CCBE1: variants seen among roughly 807,000 people sequenced by gnomAD.
CCBE1 encodes collagen and calcium binding EGF domains 1.
Under a neutral mutation model 50.0 loss-of-function variants are expected in CCBE1, and 37 were observed. That is an observed-to-expected ratio of 0.74 (90% CI 0.57 to 0.97). The LOEUF is 0.97. Among genes scored for constraint, CCBE1 ranks in the 50% least tolerant of loss-of-function variants. CCBE1 has a pLI of 0.00. For missense variants in CCBE1, 538 were observed against 523.8 expected (o/e 1.03, Z -0.26); for synonymous variants, 234 against 203.7 (o/e 1.15, Z -1.27).
intron 2 of CCBE1, among the ~76,000 whole-genome samples, chr18:59,576,611 A>C (rs1429618888): frequency 6.6e-6 from 1 of 152,168 alleles, no homozygotes; most frequent in Non-Finnish European, 1.5e-5. Context: ...ATGTGGAATT[A>C]AATTGCTTTT....
intron 2 of CCBE1, among the ~76,000 whole-genome samples, chr18:59,575,874 G>A (rs1006579055): frequency 2.0e-5 from 3 of 152,280 alleles, no homozygotes; most frequent in African/African-American, 7.2e-5. Flanking sequence ...TGCTGGAATC[G>A]ATAAGTATAC....
At chr18:59,571,514 T>C (rs2052914676) in intron 2 of CCBE1, among the ~76,000 whole-genome samples, 1 of 149,056 alleles carries the variant, frequency 6.7e-6, no homozygotes, top group Non-Finnish European at 1.5e-5. Context: ...CATTAGGAGA[T>C]ATATCTAATG....
chr18:59,696,361 G>T, intron 2 of CCBE1: 1 of 767,892 alleles, frequency 1.3e-6, no homozygotes, highest in Non-Finnish European at 1.9e-6. Flanking sequence ...CTCCTTCACA[G>T]ACTTCCACAC....
chr18:59,578,746 A>C (rs2053039449), intron 2 of CCBE1, among the ~76,000 whole-genome samples: 1 of 152,206 alleles, frequency 6.6e-6, no homozygotes, highest in Non-Finnish European at 1.5e-5. Context: ...GGAGTTGAAC[A>C]ATGAGAACAC....
At chr18:59,460,242 T>C (rs977576466) in intron 5 of CCBE1, among the ~76,000 whole-genome samples, 2 of 152,182 alleles carry the variant, frequency 1.3e-5, no homozygotes, top group Admixed American at 6.5e-5. Flanking sequence ...CACCCTCCCT[T>C]CTCTCCTCCT....
At chr18:59,522,405 A>T (rs1914638589) in intron 2 of CCBE1, among the ~76,000 whole-genome samples, 1 of 152,358 alleles carries the variant, frequency 6.6e-6, no homozygotes, top group Non-Finnish European at 1.5e-5. Flanking sequence ...GACCTGAAAT[A>T]CTTCTAACAT....
chr18:59,664,782 G>A (rs1401271507), intron 2 of CCBE1, among the ~76,000 whole-genome samples: 1 of 152,136 alleles, frequency 6.6e-6, no homozygotes, highest in Non-Finnish European at 1.5e-5. Context: ...GTGGCAGTAG[G>A]GATGGCTAGA....
intron 2 of CCBE1, among the ~76,000 whole-genome samples, chr18:59,494,518 A>G (rs1302452030): frequency 1.4e-5 from 1 of 73,372 alleles, no homozygotes; most frequent in African/African-American, 7.7e-5. Context: ...AAAAATGAGG[A>G]CAGATTTTTT....
intron 2 of CCBE1, among the ~76,000 whole-genome samples, chr18:59,558,251 T>A (rs1390352506): frequency 6.6e-6 from 1 of 152,202 alleles, no homozygotes; most frequent in Non-Finnish European, 1.5e-5. Flanking sequence ...AATTCAGCAG[T>A]CTTCTAGTTA....
intron 2 of CCBE1, among the ~76,000 whole-genome samples, chr18:59,600,909 T>C (rs927535930): frequency 1.3e-4 from 20 of 151,846 alleles, no homozygotes; most frequent in African/African-American, 4.1e-4. Context: ...ATAATGATTT[T>C]TCCTTAGCAA....
intron 6 of CCBE1, 101 bp from the exon 7 acceptor site, chr18:59,448,204 A>G (rs1910773544): frequency 3.3e-6 from 5 of 1,522,764 alleles, no homozygotes; most frequent in Admixed American, 1.8e-5. Context: ...CATGAGACAT[A>G]TGTATATACT....
At chr18:59,619,400 C>A (rs565426861) in intron 2 of CCBE1, among the ~76,000 whole-genome samples, 1 of 152,200 alleles carries the variant, frequency 6.6e-6, no homozygotes, top group Non-Finnish European at 1.5e-5. Context: ...CACACTACAA[C>A]CTTGAACTCC....
At chr18:59,581,549 T>TA (rs1316633277) in intron 2 of CCBE1, among the ~76,000 whole-genome samples, 1 of 151,992 alleles carries the variant, frequency 6.6e-6, no homozygotes, top group East Asian at 1.9e-4. Context: ...CACTGGGTAA[T>TA]AAAGCACATT....
chr18:59,438,663 A>C (rs910637081), intron 9 of CCBE1, among the ~76,000 whole-genome samples: 8 of 152,156 alleles, frequency 5.3e-5, no homozygotes, highest in African/African-American at 1.9e-4. Context: ...TTTTCCTATG[A>C]GTGGTTGTGG....
intron 2 of CCBE1, among the ~76,000 whole-genome samples, chr18:59,565,684 T>G (rs1194562349): frequency 6.6e-6 from 1 of 152,132 alleles, no homozygotes; most frequent in Non-Finnish European, 1.5e-5. Flanking sequence ...TAGGGCCCTT[T>G]TAAGTAAGCA....
chr18:59,463,614 T>C (rs185921877), intron 5 of CCBE1, among the ~76,000 whole-genome samples: 174 of 152,306 alleles, frequency 1.1e-3, no homozygotes, highest in African/African-American at 4.1e-3. Context: ...TGGTCATTGC[T>C]AGTGATGGTT....
intron 2 of CCBE1, among the ~76,000 whole-genome samples, chr18:59,608,198 G>T (rs886081188): frequency 3.3e-5 from 5 of 152,188 alleles, no homozygotes; most frequent in Admixed American, 3.3e-4. Flanking sequence ...AAATTAAAGA[G>T]AAATATATGA....
chr18:59,440,149 G>A (rs760088783), intron 7 of CCBE1, among the ~76,000 whole-genome samples: 5 of 152,182 alleles, frequency 3.3e-5, no homozygotes, highest in Non-Finnish European at 7.3e-5. Flanking sequence ...TCTCACAGCT[G>A]TCTGCTCCCT....
intron 2 of CCBE1, among the ~76,000 whole-genome samples, chr18:59,520,504 T>G (rs550288300): frequency 6.6e-6 from 1 of 152,382 alleles, no homozygotes; most frequent in African/African-American, 2.4e-5. Flanking sequence ...AAAACCCATC[T>G]GTTCAGATGT....
Sources: allele counts gnomAD v4.1 joint callset (sites outside exome capture counted in the v4.1 genomes callset), GRCh38; gene constraint gnomAD v4.1.1; transcripts MANE v1.5; gene names NCBI Gene and HGNC (gene_info 2026-07-23, HGNC 2026-07-21).